The following UVRAG variants were observed in gnomAD, a reference collection of about 807,000 sequenced individuals.
UVRAG encodes the protein UV radiation resistance associated, also known as UV radiation resistance-associated gene protein.
In UVRAG, 19 loss-of-function variants were observed where a neutral mutation model predicts 78.0. The ratio of observed to expected loss-of-function variants is 0.24; its 90% CI spans 0.17 to 0.36. UVRAG has a LOEUF of 0.36. Ranked by LOEUF, UVRAG falls within the 10% of genes least tolerant of loss-of-function variation. UVRAG has a pLI of 1.00. For missense variants in UVRAG, 740 were observed against 853.8 expected, an observed-to-expected ratio of 0.87 and a Z score of 1.66; for synonymous variants, 323 against 324.6, an observed-to-expected ratio of 1.00 and a Z score of 0.05.
intron 6 of UVRAG, among the ~76,000 whole-genome samples, chr11:75,959,547 G>A (rs1948870891): frequency 6.6e-6 from 1 of 152,176 alleles, no homozygotes; most frequent in South Asian, 2.1e-4. Flanking sequence ...TAGGCTTTGG[G>A]TTAAGAGAAG....
intron 14 of UVRAG, among the ~76,000 whole-genome samples, chr11:76,140,139 C>G (rs1331593355): frequency 9.8e-6 from 1 of 102,446 alleles, no homozygotes; most frequent in East Asian, 3.4e-4. Context: ...CTCTCTCTCT[C>G]TCTCTCTCTC....
At chr11:76,134,415 C>A (rs1451425691) in intron 14 of UVRAG, among the ~76,000 whole-genome samples, 1 of 152,120 alleles carries the variant, frequency 6.6e-6, no homozygotes, top group Non-Finnish European at 1.5e-5. Flanking sequence ...AGACATAAGC[C>A]ACCACGCCTG....
intron 6 of UVRAG, among the ~76,000 whole-genome samples, chr11:75,944,083 C>T (rs1437503536): frequency 2.6e-5 from 4 of 152,230 alleles, no homozygotes; most frequent in African/African-American, 9.6e-5. Flanking sequence ...CTCTTGTGCC[C>T]TCTTTGTTTT....
Position 75,964,358 on chromosome 11 carries a change from C to G in UVRAG, c.699+2809C>G, listed in dbSNP as rs112710078. Among the ~76,000 whole-genome samples, 974 of 152,152 alleles carry G rather than the reference C, an allele frequency of 6.4e-3. 12 individuals carry two copies. The highest frequency in any genetic ancestry group is 0.022 in the African/African-American group (907 of 41,498). On this transcript the variant is annotated intron_variant, in intron 7 of 14. Transcript: ENST00000356136. Reference sequence around the variant, plus strand: ...ATGTTAAGTAGAATTTGCATTGAAGCCATCTGGGCCTGGAGGTTTTTTTGT... The same window carrying G: ...ATGTTAAGTAGAATTTGCATTGAAGGCATCTGGGCCTGGAGGTTTTTTTGT...
intron 13 of UVRAG, among the ~76,000 whole-genome samples, chr11:76,080,318 A>G (rs1399486546): frequency 1.3e-5 from 2 of 152,188 alleles, no homozygotes; most frequent in African/African-American, 4.8e-5. Context: ...TTGAAGGCAC[A>G]CTGTGGTTAC....
intron 8 of UVRAG, among the ~76,000 whole-genome samples, chr11:75,994,755 C>T (rs777777526): frequency 2.0e-5 from 3 of 152,180 alleles, no homozygotes; most frequent in Non-Finnish European, 2.9e-5. Flanking sequence ...TTCCACTAAA[C>T]GAAACGTCAT....
At chr11:75,938,361 C>G (rs190452379) in intron 6 of UVRAG, among the ~76,000 whole-genome samples, 6 of 152,196 alleles carry the variant, frequency 3.9e-5, no homozygotes, top group African/African-American at 1.2e-4. Context: ...TTTTGCTGCT[C>G]ATTTTGGATT....
chr11:75,826,681 T>TA (rs1343712546), intron 1 of UVRAG, among the ~76,000 whole-genome samples: 1 of 151,024 alleles, frequency 6.6e-6, no homozygotes, highest in Non-Finnish European at 1.5e-5. Flanking sequence ...CCTGGGTACT[T>TA]ACCATGCCTA....
chr11:76,009,363 A>G (rs1183658550), intron 11 of UVRAG, among the ~76,000 whole-genome samples: 1 of 152,184 alleles, frequency 6.6e-6, no homozygotes, highest in Non-Finnish European at 1.5e-5. Flanking sequence ...AAAGAAAGAA[A>G]TTACATTAAA....
chr11:76,091,146 G>C (rs1448105140), intron 13 of UVRAG, among the ~76,000 whole-genome samples: 5 of 152,106 alleles, frequency 3.3e-5, no homozygotes, highest in Non-Finnish European at 5.9e-5. Context: ...TGGAATGTTA[G>C]GCTGGAAACA....
intron 12 of UVRAG, among the ~76,000 whole-genome samples, chr11:76,048,144 T>C (rs1950798921): frequency 1.3e-5 from 2 of 152,178 alleles, no homozygotes; most frequent in Non-Finnish European, 2.9e-5. Context: ...AAGGAGGAGT[T>C]AATAAATCAC....
intron 4 of UVRAG, among the ~76,000 whole-genome samples, chr11:75,886,314 T>A (rs985633672): frequency 2.6e-5 from 4 of 152,216 alleles, no homozygotes; most frequent in African/African-American, 9.6e-5. Context: ...TAAGTGTATA[T>A]TTTTATTTTC....
chr11:75,930,936 T>TTTCTTTCTTTCC (rs1491516205), intron 6 of UVRAG: 96 of 131,870 alleles, frequency 7.3e-4, no homozygotes, highest in African/African-American at 2.6e-3. Flanking sequence ...ATTTTCTTTC[T>TTTCTTTCTTTCC]TTCTTTCTTT....
intron 12 of UVRAG, among the ~76,000 whole-genome samples, chr11:76,058,052 C>T (rs780023816): frequency 1.3e-5 from 2 of 152,006 alleles, no homozygotes; most frequent in African/African-American, 2.4e-5. Flanking sequence ...GAACTGGTTG[C>T]TCCTGATAGT....
intron 12 of UVRAG, among the ~76,000 whole-genome samples, chr11:76,060,424 G>A (rs536122439): frequency 3.3e-5 from 5 of 152,198 alleles, no homozygotes; most frequent in East Asian, 1.9e-4. Context: ...GCCCTCACTC[G>A]CTCTCAGCGC....
chr11:75,836,402 A>G (rs7118039), intron 1 of UVRAG, among the ~76,000 whole-genome samples: 27,377 of 152,162 alleles, frequency 0.18, 3,596 homozygotes, highest in African/African-American at 0.37. Context: ...GTTAATAAGT[A>G]GCAAAATCAA....
Position 76,113,532 on chromosome 11 carries a change from C to G in UVRAG, c.1306-2392C>G, listed in dbSNP as rs11236615. The stretch of plus-strand genomic sequence containing the variant: ...TTGGGGTAGATAGTAGAGCAGAGAA[C>G]TGCTTTTTTTTTCATTATAAATCTT... On this transcript the variant is annotated intron_variant, in intron 13 of 14. Coordinates refer to ENST00000356136, the MANE Select transcript of UVRAG (RefSeq NM_003369.4). Among the ~76,000 whole-genome samples the G allele has an allele frequency of 9.5e-5, 14 of 147,676 alleles. No homozygotes were observed. In the South Asian group the frequency reaches 1.9e-3, roughly 20 times the overall value.
chr11:75,848,149 G>C (rs1031309259), intron 1 of UVRAG, among the ~76,000 whole-genome samples: 1 of 150,362 alleles, frequency 6.7e-6, no homozygotes, highest in Non-Finnish European at 1.5e-5. Flanking sequence ...AGTGAGCTAC[G>C]ATCTACCACT....
intron 6 of UVRAG, among the ~76,000 whole-genome samples, chr11:75,917,953 A>G (rs867901981): frequency 2.0e-5 from 3 of 152,228 alleles, no homozygotes; most frequent in Non-Finnish European, 2.9e-5. Context: ...CACCAAGGTC[A>G]CACAAACTAG....
Sources: allele counts gnomAD v4.1 joint callset (sites outside exome capture counted in the v4.1 genomes callset), GRCh38; gene constraint gnomAD v4.1.1; transcripts MANE v1.5; gene names NCBI Gene and HGNC (gene_info 2026-07-23, HGNC 2026-07-21).